NBAS: variants seen among roughly 807,000 people sequenced by gnomAD.
NBAS encodes the protein NBAS subunit of NRZ tethering complex.
In NBAS, 219 loss-of-function variants were observed where a neutral mutation model predicts 302.5. The ratio of observed to expected loss-of-function variants is 0.72; its 90% CI spans 0.65 to 0.81. The LOEUF (loss-of-function observed/expected upper bound fraction) is 0.81, where lower values mean the gene tolerates loss of function less well. NBAS is among the 30% of genes least tolerant of loss of function. The pLI, the probability that NBAS is intolerant of heterozygous loss-of-function variation, is 0.00. For synonymous variants in NBAS, 1,118 were observed against 1,021.6 expected, an observed-to-expected ratio of 1.09 and a Z score of -1.80; for missense variants, 2,932 against 2,841.6, an observed-to-expected ratio of 1.03 and a Z score of -0.72.
chr2:15,114,622 A>C, the NBAS span, among the ~76,000 whole-genome samples: 2 of 152,110 alleles, frequency 1.3e-5, no homozygotes, highest in Admixed American at 6.5e-5. Flanking sequence ...TAAAACTATA[A>C]AGAAAAATAA....
At chr2:14,787,336 T>C in the NBAS span, among the ~76,000 whole-genome samples, 2 of 152,156 alleles carry the variant, frequency 1.3e-5, no homozygotes, top group African/African-American at 4.8e-5. Context: ...AAGTTAATAT[T>C]GTTATGTGTG....
the NBAS span, among the ~76,000 whole-genome samples, chr2:14,963,598 G>C: frequency 2.0e-5 from 3 of 152,178 alleles, no homozygotes; most frequent in African/African-American, 7.2e-5. Flanking sequence ...ATGCTAGGCA[G>C]AGGATGCTCA....
chr2:14,835,344 G>T, the NBAS span, among the ~76,000 whole-genome samples: 15 of 151,862 alleles, frequency 9.9e-5, no homozygotes, highest in East Asian at 2.9e-3. Flanking sequence ...TTCCAGAAAG[G>T]CATATAAAAA....
intron 9 of NBAS, among the ~76,000 whole-genome samples, chr2:15,532,822 T>C (rs949662042): frequency 6.6e-6 from 1 of 151,742 alleles, no homozygotes; most frequent in Non-Finnish European, 1.5e-5. Context: ...AAAAATTAAA[T>C]GTAAATATAA....
At position 15,375,535 on chromosome 2, in the gene NBAS, C is replaced by A. The variant is rs146179469; in HGVS notation, c.3591-815G>T. On this transcript the variant is annotated intron_variant, in intron 30 of 51. Transcript: ENST00000281513. ...GACAGATACAGGCCAAGCCTGCTCTCGTAAAACTGGAGGATTTAAATCAGT... is the reference window on the plus strand; with the variant it reads ...GACAGATACAGGCCAAGCCTGCTCTAGTAAAACTGGAGGATTTAAATCAGT... 6.0e-3 allele frequency among the ~76,000 whole-genome samples: 918 copies of A among 152,206 alleles called. 10 individuals are homozygous for A. The highest frequency in any genetic ancestry group is 0.02 in the African/African-American group (823 of 41,544).
the NBAS span, among the ~76,000 whole-genome samples, chr2:14,920,818 T>C: frequency 6.6e-5 from 10 of 152,174 alleles, no homozygotes; most frequent in African/African-American, 2.2e-4. Context: ...CAGATTAGGC[T>C]TTGGTTTAAG....
At chr2:15,527,908 A>G (rs948561325) in intron 9 of NBAS, among the ~76,000 whole-genome samples, 1 of 152,098 alleles carries the variant, frequency 6.6e-6, no homozygotes, top group African/African-American at 2.4e-5. Flanking sequence ...GTATCTCCCT[A>G]TGGAATCAAC....
chr2:15,388,821 TG>T (rs1675441036), intron 28 of NBAS, among the ~76,000 whole-genome samples: 2 of 152,168 alleles, frequency 1.3e-5, no homozygotes, highest in Admixed American at 1.3e-4. Flanking sequence ...AACAAACTAA[TG>T]TTATACCAAC....
intron 12 of NBAS, among the ~76,000 whole-genome samples, chr2:15,484,768 A>G (rs924100074): frequency 6.6e-6 from 1 of 152,164 alleles, no homozygotes; most frequent in Non-Finnish European, 1.5e-5. Context: ...ATATCTTAAG[A>G]GCAGGGACTA....
chr2:15,308,992 A>C (rs1671155540), intron 39 of NBAS, among the ~76,000 whole-genome samples, 179 bp downstream of exon 39: 3 of 152,160 alleles, frequency 2.0e-5, no homozygotes, highest in Admixed American at 1.3e-4. Context: ...CACATTGTGC[A>C]CATGTACCCT....
intron 10 of NBAS, among the ~76,000 whole-genome samples, chr2:15,509,913 A>C (rs1214775213): frequency 6.6e-6 from 1 of 151,966 alleles, no homozygotes; most frequent in Non-Finnish European, 1.5e-5. Flanking sequence ...GCAGTGGCAC[A>C]ATCTCGGCTC....
In NBAS at chr2:15,450,718, G is replaced by A. The variant is rs1678966074; in HGVS notation, c.2339+10483C>T. On this transcript the variant is annotated intron_variant, in intron 21 of 51. Coordinates refer to ENST00000281513, the MANE Select transcript of NBAS (RefSeq NM_015909.4). ...AAATTTATATGACTCACACATTTTT[G>A]CTAAACTGTTCTTTCAATGAAAGTG... is the stretch of plus-strand genomic sequence containing the variant. Among the ~76,000 whole-genome samples, 8 of 152,064 alleles carry A rather than the reference G, an allele frequency of 5.3e-5. No homozygotes were observed. The South Asian group carries it at 1.7e-3, about 32-fold the overall frequency.
intron 44 of NBAS, among the ~76,000 whole-genome samples, chr2:15,246,411 G>A (rs1372984440): frequency 3.9e-5 from 6 of 152,162 alleles, no homozygotes; most frequent in Non-Finnish European, 5.9e-5. Flanking sequence ...CTAACATAAT[G>A]TCTAACACAC....
chr2:14,908,089 C>T, the NBAS span, among the ~76,000 whole-genome samples: 11 of 152,182 alleles, frequency 7.2e-5, no homozygotes, highest in African/African-American at 1.2e-4. Flanking sequence ...GGGGGCCAGG[C>T]GCAGTGGCTC....
the NBAS span, among the ~76,000 whole-genome samples, chr2:15,120,142 C>G: frequency 6.6e-6 from 1 of 152,170 alleles, no homozygotes; most frequent in African/African-American, 2.4e-5. Flanking sequence ...GCAGGCAGAT[C>G]TCCAATGTGT....
At chr2:14,874,492 G>T in the NBAS span, among the ~76,000 whole-genome samples, 5 of 148,966 alleles carry the variant, frequency 3.4e-5, no homozygotes, top group Non-Finnish European at 6.0e-5. Flanking sequence ...TACAAAAAAT[G>T]AGCCGGGCAT....
chr2:15,253,289 A>G (rs753463975), intron 44 of NBAS, among the ~76,000 whole-genome samples: 27 of 152,030 alleles, frequency 1.8e-4, no homozygotes, highest in Non-Finnish European at 3.4e-4. Context: ...AAAAGATTAA[A>G]CCATCCCAGG....
chr2:14,806,584 C>T, the NBAS span, among the ~76,000 whole-genome samples: 1 of 152,170 alleles, frequency 6.6e-6, no homozygotes, highest in Non-Finnish European at 1.5e-5. Flanking sequence ...CATCCATGAG[C>T]AAGTATCCTA....
At chr2:15,168,459 G>A (rs192561414) in intron 51 of NBAS, among the ~76,000 whole-genome samples, 246 of 152,186 alleles carry the variant, frequency 1.6e-3, no homozygotes, top group African/African-American at 5.5e-3. Context: ...CTACCCACAG[G>A]GGTCATTCAA....
Sources: gnomAD v4.1 joint callset for allele counts (sites outside exome capture counted in the v4.1 genomes callset) on GRCh38, gnomAD v4.1.1 for gene constraint, MANE v1.5 for transcripts, NCBI Gene and HGNC (gene_info 2026-07-23, HGNC 2026-07-21) for gene names.